Variants in YAP1 observed in about 807,000 individuals in gnomAD.
The protein encoded by YAP1 is Yes1 associated transcriptional regulator, also known as transcriptional coactivator YAP1.
YAP1 carries 5 observed loss-of-function variants against 56.9 expected under a neutral mutation model. The observed-to-expected ratio is 0.09, with a 90% CI of 0.05 to 0.18. The LOEUF is 0.18. Ranked by LOEUF, YAP1 falls within the 10% of genes least tolerant of loss-of-function variation. The probability of loss-of-function intolerance (pLI) is 1.00; values close to 1 mark genes in which losing one functional copy is unlikely to be tolerated. For missense variants in YAP1, 539 were observed against 651.8 expected (o/e 0.83, Z 1.88); for synonymous variants, 265 against 248.1 (o/e 1.07, Z -0.64).
At chr11:102,184,183 A>G (rs896225002) in intron 3 of YAP1, among the ~76,000 whole-genome samples, 1 of 152,150 alleles carries the variant, frequency 6.6e-6, no homozygotes, top group African/African-American at 2.4e-5. Context: ...CACCATGTAT[A>G]GTCACATGGT....
chr11:102,133,598 A>G (rs1220803682), intron 2 of YAP1, among the ~76,000 whole-genome samples: 1 of 152,206 alleles, frequency 6.6e-6, no homozygotes, highest in Non-Finnish European at 1.5e-5. Flanking sequence ...CGCCTGGCCT[A>G]GAATTGTTTA....
intron 4 of YAP1, chr11:102,186,344 T>C: frequency 2.1e-6 from 1 of 481,668 alleles, no homozygotes; most frequent in Non-Finnish European, 3.6e-6. Flanking sequence ...CTCCTCAGGT[T>C]GGGGTGGGGG....
At chr11:102,180,763 A>AT (rs1020727285) in intron 3 of YAP1, among the ~76,000 whole-genome samples, 2 of 152,006 alleles carry the variant, frequency 1.3e-5, no homozygotes, top group Admixed American at 6.6e-5. Flanking sequence ...ATATAAAGAA[A>AT]TTTTTTTACT....
chr11:102,203,491 A>G (rs975862304), intron 4 of YAP1, among the ~76,000 whole-genome samples: 2 of 152,194 alleles, frequency 1.3e-5, no homozygotes, highest in African/African-American at 4.8e-5. Context: ...TTAGAAATAC[A>G]TGTTAAAATT....
intron 3 of YAP1, among the ~76,000 whole-genome samples, chr11:102,181,738 T>C (rs1024530177): frequency 2.0e-5 from 3 of 152,236 alleles, no homozygotes; most frequent in Non-Finnish European, 4.4e-5. Flanking sequence ...CTAAAATGAA[T>C]AGATGTGGTT....
chr11:102,172,784 T>G (rs1946992124), intron 3 of YAP1, among the ~76,000 whole-genome samples: 1 of 152,138 alleles, frequency 6.6e-6, no homozygotes. Context: ...TTAGATTACC[T>G]TCTCCAGTGC....
intron 2 of YAP1, among the ~76,000 whole-genome samples, chr11:102,117,589 A>G (rs1192779396): frequency 3.3e-5 from 5 of 152,206 alleles, no homozygotes; most frequent in African/African-American, 1.2e-4. Flanking sequence ...CAGCATGATT[A>G]CTGAAAGATT....
intron 2 of YAP1, among the ~76,000 whole-genome samples, chr11:102,139,727 A>G (rs1944896212): frequency 6.6e-6 from 1 of 152,206 alleles, no homozygotes; most frequent in Non-Finnish European, 1.5e-5. Context: ...TTACGCTTAT[A>G]AAAACAGATG....
At chr11:102,131,017 CCTGT>C (rs748780713) in intron 2 of YAP1, among the ~76,000 whole-genome samples, 23 of 152,232 alleles carry the variant, frequency 1.5e-4, no homozygotes, top group Non-Finnish European at 1.9e-4. Context: ...CCTCTTTGTA[CCTGT>C]CTGTCTTCTT....
chr11:102,219,668 A>G (rs1949826379), intron 6 of YAP1, among the ~76,000 whole-genome samples: 1 of 151,918 alleles, frequency 6.6e-6, no homozygotes, highest in Non-Finnish European at 1.5e-5. Flanking sequence ...ATGAGTATAA[A>G]TGAAGTTACT....
intron 2 of YAP1, among the ~76,000 whole-genome samples, chr11:102,146,757 A>G (rs1945343780): frequency 1.3e-5 from 2 of 152,194 alleles, no homozygotes; most frequent in Admixed American, 1.3e-4. Context: ...AGGTACTTCC[A>G]TTCTGGTGGA....
intron 6 of YAP1, among the ~76,000 whole-genome samples, chr11:102,220,829 A>C (rs1949891045): frequency 6.6e-6 from 1 of 152,184 alleles, no homozygotes; most frequent in African/African-American, 2.4e-5. Flanking sequence ...ACAGTGATGA[A>C]GTGGTCAGTA....
chr11:102,121,170 G>C (rs2135160569), intron 2 of YAP1, among the ~76,000 whole-genome samples: 1 of 152,286 alleles, frequency 6.6e-6, no homozygotes, highest in East Asian at 1.9e-4. Context: ...AGCCGTCGTA[G>C]CTCACGTCTG....
At chr11:102,140,917 T>C (rs1325085072) in intron 2 of YAP1, among the ~76,000 whole-genome samples, 1 of 152,188 alleles carries the variant, frequency 6.6e-6, no homozygotes, top group Non-Finnish European at 1.5e-5. Flanking sequence ...GTGAGTTTCT[T>C]AACTGTGGCA....
intron 2 of YAP1, among the ~76,000 whole-genome samples, chr11:102,121,172 T>G (rs993377464): frequency 6.6e-6 from 1 of 152,138 alleles, no homozygotes; most frequent in African/African-American, 2.4e-5. Context: ...CCGTCGTAGC[T>G]CACGTCTGTA....
chr11:102,184,031 C>T (rs1293133614), intron 3 of YAP1, among the ~76,000 whole-genome samples: 17 of 148,324 alleles, frequency 1.1e-4, no homozygotes, highest in Non-Finnish European at 1.6e-4. Context: ...GAGCCGAGAT[C>T]CCGCCACTGC....
chr11:102,123,829 C>T (rs540578882), intron 2 of YAP1, among the ~76,000 whole-genome samples: 13 of 151,852 alleles, frequency 8.6e-5, no homozygotes, highest in African/African-American at 1.9e-4. Context: ...TTAGTAGAGA[C>T]GGAGTTTCAC....
intron 2 of YAP1, among the ~76,000 whole-genome samples, chr11:102,154,928 A>G (rs1355969337): frequency 6.6e-6 from 1 of 152,174 alleles, no homozygotes; most frequent in Non-Finnish European, 1.5e-5. Context: ...TTGACATCAG[A>G]TATTATTTTA....
Position 102,110,692 on chromosome 11 carries a change from G to T in YAP1, c.-157G>T, listed in dbSNP as rs537555874. 3 of 554,012 alleles carry T rather than the reference G, an allele frequency of 5.4e-6. No individual in the cohort carries two copies. Among genetic ancestry groups the T allele is most frequent in the Admixed American group, 5.1e-5 (1 of 19,656 alleles). The allele number at this position is 554,012 out of a possible 1,614,324, so 34.3% of individuals were successfully genotyped here. A position where few individuals can be genotyped will look rare whatever the true frequency, so the allele number is the denominator to read the frequency against. Reference sequence around the variant, plus strand: ...GCGGAGGCGCCGGGGCGGGGGATGCGGGGCCGCGGCGCAGCCCCCCGGCCC... The same window carrying T: ...GCGGAGGCGCCGGGGCGGGGGATGCTGGGCCGCGGCGCAGCCCCCCGGCCC... On this transcript the variant is annotated 5_prime_UTR_variant, in exon 1 of 9. Coordinates refer to ENST00000282441, the MANE Select transcript of YAP1 (RefSeq NM_001130145.3).
Sources: gnomAD v4.1 joint callset for allele counts (sites outside exome capture counted in the v4.1 genomes callset) on GRCh38, gnomAD v4.1.1 for gene constraint, MANE v1.5 for transcripts, NCBI Gene and HGNC (gene_info 2026-07-23, HGNC 2026-07-21) for gene names.